The following CEP112 variants were observed in gnomAD, a reference collection of about 807,000 sequenced individuals.
CEP112 encodes the protein centrosomal protein 112, also known as centrosomal protein of 112 kDa.
A neutral mutation model predicts 153.0 loss-of-function variants in CEP112; 127 were observed. The observed-to-expected ratio is 0.83, with a 90% CI of 0.72 to 0.96. CEP112 has a LOEUF of 0.96. Among genes scored for constraint, CEP112 ranks in the 40% least tolerant of loss-of-function variants. CEP112 has a pLI of 0.00. For missense variants in CEP112, 1,089 were observed against 1,101.2 expected (o/e 0.99, Z 0.16); for synonymous variants, 358 against 374.4 (o/e 0.96, Z 0.51).
intron 1 of CEP112, among the ~76,000 whole-genome samples, chr17:66,189,686 G>C (rs145021943): frequency 2.0e-3 from 310 of 151,858 alleles, no homozygotes; most frequent in African/African-American, 7.2e-3. Flanking sequence ...AATGGAAAAA[G>C]AAACAAAAAA....
At chr17:66,029,076 T>C in intron 14 of CEP112, 47 bp downstream of exon 14, 1 of 1,440,040 alleles carries the variant, frequency 6.9e-7, no homozygotes, top group Non-Finnish European at 9.5e-7. Flanking sequence ...GCTCTAGGCT[T>C]AGTGAATAAA....
Position 66,191,375 on chromosome 17 carries a change from A to C in CEP112, c.-9+622T>G, listed in dbSNP as rs2073156642. On this transcript the variant is annotated intron_variant, in intron 1 of 26. Coordinates refer to ENST00000535342, the MANE Select transcript of CEP112 (RefSeq NM_001199165.4). This position sits in a 1 kb window ranked among gnomAD's most constrained non-coding sequence, Gnocchi z 4.2. ...AACAAATAAAAGTAGCCGTGCAATG[A>C]TCAGAAAAGCTGTTCACATTTACTT... is the stretch of plus-strand genomic sequence containing the variant. Among the ~76,000 whole-genome samples, 1 of 152,236 alleles carries C rather than the reference A, an allele frequency of 6.6e-6. No homozygotes were observed. The highest frequency in any genetic ancestry group is 2.1e-4 in the South Asian group (1 of 4,834).
At chr17:66,034,652 T>C (rs747862096) in intron 12 of CEP112, among the ~76,000 whole-genome samples, 3 of 151,744 alleles carry the variant, frequency 2.0e-5, no homozygotes, top group Non-Finnish European at 2.9e-5. Flanking sequence ...ACTATTTTTA[T>C]GAGAGAAAGA....
At chr17:66,160,258 C>T (rs1468088760) in intron 4 of CEP112, among the ~76,000 whole-genome samples, 1 of 152,108 alleles carries the variant, frequency 6.6e-6, no homozygotes, top group Admixed American at 6.6e-5. Context: ...GTGAAAATGG[C>T]CATACTATCC....
At chr17:65,983,552 T>C (rs1348378) in intron 17 of CEP112, among the ~76,000 whole-genome samples, 62,364 of 151,828 alleles carry the variant, frequency 0.41, 14,269 homozygotes, top group East Asian at 0.87. Context: ...TCTCACTCTA[T>C]TGGTTCATGC....
At chr17:66,081,626 A>C (rs2067721717) in intron 8 of CEP112, among the ~76,000 whole-genome samples, 1 of 151,866 alleles carries the variant, frequency 6.6e-6, no homozygotes, top group African/African-American at 2.4e-5. Flanking sequence ...AAAAAAAAAA[A>C]AGGCCTAATT....
In CEP112 at chr17:65,719,061, C is replaced by T. The variant is rs28451544; in HGVS notation, c.2607+24007G>A. Among the ~76,000 whole-genome samples, 545 of 152,352 alleles carry T rather than the reference C, an allele frequency of 3.6e-3. 4 individuals are homozygous for T. The highest frequency in any genetic ancestry group is 0.013 in the African/African-American group (528 of 41,582). ...TCTCTGCATATGTGTTGTCACATCA[C>T]TGAAGAAAGAAAGTGCTTTCTGAAA... On this transcript the variant is annotated intron_variant, in intron 23 of 26. Coordinates refer to ENST00000535342, the MANE Select transcript of CEP112 (RefSeq NM_001199165.4).
chr17:66,152,159 A>T (rs1407415528), intron 4 of CEP112, among the ~76,000 whole-genome samples: 2 of 152,206 alleles, frequency 1.3e-5, no homozygotes, highest in African/African-American at 4.8e-5. Flanking sequence ...CTTTGTGTGT[A>T]GTGTGCTAAA....
At chr17:66,166,921 A>C (rs1035615279) in intron 4 of CEP112, among the ~76,000 whole-genome samples, 9 of 151,374 alleles carry the variant, frequency 5.9e-5, no homozygotes, top group Admixed American at 3.3e-4. Flanking sequence ...AAAAAAAAAA[A>C]ACACACAGTT....
intron 8 of CEP112, among the ~76,000 whole-genome samples, chr17:66,093,839 T>G (rs2068234812): frequency 6.6e-6 from 1 of 152,086 alleles, no homozygotes; most frequent in African/African-American, 2.4e-5. Flanking sequence ...AAAATTTATA[T>G]GAAACTAAAA....
At chr17:65,894,039 C>G (rs1462953805) in intron 20 of CEP112, among the ~76,000 whole-genome samples, 1 of 152,066 alleles carries the variant, frequency 6.6e-6, no homozygotes, top group African/African-American at 2.4e-5. Flanking sequence ...CCGATTGAGT[C>G]AGAAATCCAA....
intron 17 of CEP112, among the ~76,000 whole-genome samples, chr17:65,985,785 C>T (rs2083476967): frequency 6.6e-6 from 1 of 151,732 alleles, no homozygotes; most frequent in Non-Finnish European, 1.5e-5. Flanking sequence ...CTCTGCATGC[C>T]TCACTCCATC....
At chr17:66,163,383 A>G (rs2071795911) in intron 4 of CEP112, among the ~76,000 whole-genome samples, 2 of 152,218 alleles carry the variant, frequency 1.3e-5, no homozygotes, top group African/African-American at 4.8e-5. Flanking sequence ...ATTGTTATAT[A>G]CCATCTGCAG....
intron 4 of CEP112, among the ~76,000 whole-genome samples, chr17:66,158,689 C>G (rs564728461): frequency 3.5e-4 from 54 of 152,260 alleles, no homozygotes; most frequent in South Asian, 1.0e-3. Context: ...TTCTCTGGGA[C>G]ACAGCTAAAG....
chr17:65,821,540 ATTTTTTTTT>A (rs869059954), intron 21 of CEP112, among the ~76,000 whole-genome samples: 29 of 33,606 alleles, frequency 8.6e-4, no homozygotes, highest in Non-Finnish European at 1.2e-3. Context: ...ATATATATAT[ATTTTTTTTT>A]TTTTTTTTTT....
chr17:65,920,262 C>T (rs2144037830), intron 19 of CEP112, among the ~76,000 whole-genome samples: 1 of 149,652 alleles, frequency 6.7e-6, no homozygotes, highest in African/African-American at 2.5e-5. Context: ...AGAAGAATCA[C>T]TTGAACGTGG....
chr17:66,029,241 AGT>A lies in CEP112; in HGVS notation c.1383_1384del (p.Leu462AlafsTer2). On this transcript the variant is annotated frameshift_variant, in exon 14 of 27. Coordinates refer to ENST00000535342, the MANE Select transcript of CEP112 (RefSeq NM_001199165.4). LOFTEE classifies it high-confidence loss of function. ...TACAAGATGGTCCTTCTCTTTATGC[AGT>A]GTGTTACGCCTAAAAACAAGAGAAT... 1 of 1,610,666 alleles carries A rather than the reference AGT, an allele frequency of 6.2e-7. No individual in the cohort carries two copies. Among genetic ancestry groups the A allele is most frequent in the Non-Finnish European group, 8.5e-7 (1 of 1,178,168 alleles).
intron 24 of CEP112, among the ~76,000 whole-genome samples, chr17:65,662,122 C>A (rs532283477): frequency 1.6e-4 from 25 of 152,244 alleles, no homozygotes; most frequent in African/African-American, 6.0e-4. Flanking sequence ...GTGGGCACCA[C>A]CACGCCTGAC....
At chr17:65,958,448 G>C (rs775478308) in intron 18 of CEP112, among the ~76,000 whole-genome samples, 1 of 152,150 alleles carries the variant, frequency 6.6e-6, no homozygotes, top group Non-Finnish European at 1.5e-5. Flanking sequence ...TGTACTCCTG[G>C]GGGTTGGGGA....
Sources: gnomAD v4.1 joint callset for allele counts (sites outside exome capture counted in the v4.1 genomes callset) on GRCh38, gnomAD v4.1.1 for gene constraint, Gnocchi (gnomAD v3.1) non-coding constraint, MANE v1.5 for transcripts, NCBI Gene and HGNC (gene_info 2026-07-23, HGNC 2026-07-21) for gene names.